The following SHTN1 variants were observed in gnomAD, a reference collection of about 807,000 sequenced individuals.
The protein encoded by SHTN1 is shootin-1.
Under a neutral mutation model 83.1 loss-of-function variants are expected in SHTN1, and 42 were observed. The ratio of observed to expected loss-of-function variants is 0.51; its 90% CI spans 0.39 to 0.65. The LOEUF is 0.65. Ranked by LOEUF, SHTN1 falls within the 30% of genes least tolerant of loss-of-function variation. The probability of loss-of-function intolerance (pLI) is 0.00; values close to 1 mark genes in which losing one functional copy is unlikely to be tolerated. For synonymous variants in SHTN1, 224 were observed against 247.7 expected (o/e 0.90, Z 0.90); for missense variants, 622 against 737.8 (o/e 0.84, Z 1.82).
intron 2 of SHTN1, among the ~76,000 whole-genome samples, chr10:117,022,497 T>A (rs1386464279): frequency 6.6e-6 from 1 of 151,984 alleles, no homozygotes; most frequent in Non-Finnish European, 1.5e-5. Flanking sequence ...ACATCAAAGA[T>A]AACCACGTTT....
intron 11 of SHTN1, among the ~76,000 whole-genome samples, chr10:116,923,595 G>A: frequency 6.7e-6 from 1 of 148,550 alleles, no homozygotes; most frequent in Non-Finnish European, 1.5e-5. Flanking sequence ...TCACTCTGTT[G>A]CCCATGCTGG....
At chr10:117,079,775 C>T (rs1853229678) in intron 1 of SHTN1, among the ~76,000 whole-genome samples, 1 of 141,360 alleles carries the variant, frequency 7.1e-6, no homozygotes, top group African/African-American at 2.6e-5. Context: ...ATTTGCATTT[C>T]TCTGATGGCC....
At chr10:117,066,768 A>G (rs904933547) in intron 1 of SHTN1, among the ~76,000 whole-genome samples, 3 of 152,216 alleles carry the variant, frequency 2.0e-5, no homozygotes, top group African/African-American at 7.2e-5. Context: ...GACTTAGAAG[A>G]CTTCTTTCAT....
chr10:116,901,568 G>A (rs1313275338), intron 16 of SHTN1, 197 bp downstream of exon 16: 1 of 985,142 alleles, frequency 1.0e-6, no homozygotes, highest in African/African-American at 1.7e-5. Flanking sequence ...TTTGTACATG[G>A]TACTTGCTTT....
intron 1 of SHTN1, among the ~76,000 whole-genome samples, chr10:116,996,491 A>G (rs977435045): frequency 5.3e-5 from 8 of 152,190 alleles, no homozygotes; most frequent in Non-Finnish European, 1.0e-4. Flanking sequence ...TAAACTACAA[A>G]CAAGGAAAAT....
At chr10:117,111,041 T>C (rs1232628378) in intron 1 of SHTN1, among the ~76,000 whole-genome samples, 2 of 151,638 alleles carry the variant, frequency 1.3e-5, no homozygotes, top group Non-Finnish European at 2.9e-5. Context: ...CTACTAAAAT[T>C]ACAAAAATTA....
intron 2 of SHTN1, among the ~76,000 whole-genome samples, chr10:117,024,756 GAA>G (rs1179052820): frequency 2.6e-5 from 4 of 152,144 alleles, no homozygotes; most frequent in African/African-American, 9.7e-5. Context: ...AAAATATACT[GAA>G]GTCTTCAACT....
intron 1 of SHTN1, among the ~76,000 whole-genome samples, chr10:116,987,744 G>A (rs1335989354): frequency 2.6e-5 from 4 of 151,880 alleles, no homozygotes; most frequent in African/African-American, 9.7e-5. Flanking sequence ...GTGAAACCCC[G>A]TCTCTACTAA....
At chr10:117,051,380 A>G (rs1852738463) in intron 1 of SHTN1, among the ~76,000 whole-genome samples, 1 of 152,216 alleles carries the variant, frequency 6.6e-6, no homozygotes, top group African/African-American at 2.4e-5. Context: ...CTTCAAAAAA[A>G]TAGAAGAGGA....
intron 1 of SHTN1, among the ~76,000 whole-genome samples, chr10:117,055,143 T>C (rs747919031): frequency 1.3e-5 from 2 of 152,128 alleles, no homozygotes; most frequent in Non-Finnish European, 2.9e-5. Context: ...CCATCGAATC[T>C]CGTGAGAACT....
chr10:116,929,822 A>T, intron 10 of SHTN1, 27 bp downstream of exon 10: 1 of 1,545,156 alleles, frequency 6.5e-7, no homozygotes, highest in Non-Finnish European at 8.8e-7. Context: ...TAATAGTAAG[A>T]CATAGTAGCC....
chr10:117,065,389 A>G (rs982381995), intron 1 of SHTN1, among the ~76,000 whole-genome samples: 1 of 152,062 alleles, frequency 6.6e-6, no homozygotes, highest in African/African-American at 2.4e-5. Context: ...ACATCTCCCT[A>G]AGAAAAGAAA....
At chr10:117,045,965 T>G (rs1238798372) in intron 2 of SHTN1, among the ~76,000 whole-genome samples, 2 of 151,976 alleles carry the variant, frequency 1.3e-5, no homozygotes, top group Non-Finnish European at 2.9e-5. Context: ...AAATAAAAAA[T>G]ACTGTATCAG....
At position 116,919,950 on chromosome 10, in the gene SHTN1, C is replaced by T. The variant is rs999290417; in HGVS notation, c.1195+1484G>A. Among the ~76,000 whole-genome samples the T allele has an allele frequency of 2.6e-5, 4 of 152,278 alleles. No individual in the cohort carries two copies. In the South Asian group the frequency reaches 6.2e-4, roughly 24 times the overall value. On this transcript the variant is annotated intron_variant, in intron 12 of 16. Transcript: ENST00000355371. Reference sequence around the variant, plus strand: ...AAAAAACTAAGTCCAAACTTCAATTCATTCAATATGCATGAAAGCAGTGGG... The same window carrying T: ...AAAAAACTAAGTCCAAACTTCAATTTATTCAATATGCATGAAAGCAGTGGG...
intron 9 of SHTN1, among the ~76,000 whole-genome samples, chr10:116,939,394 T>C (rs117793642): frequency 1.3e-5 from 2 of 152,328 alleles, no homozygotes; most frequent in East Asian, 1.9e-4. Flanking sequence ...GCACAGTCTC[T>C]CGTGGCTTCC....
chr10:117,117,266 G>A (rs781602079), intron 1 of SHTN1, among the ~76,000 whole-genome samples: 7 of 151,862 alleles, frequency 4.6e-5, no homozygotes, highest in Non-Finnish European at 7.4e-5. Context: ...CACCAACGAC[G>A]AACAATCTGA....
intron 4 of SHTN1, among the ~76,000 whole-genome samples, chr10:116,955,100 C>CAA (rs59777387): frequency 0.011 from 964 of 87,592 alleles, 9 homozygotes; most frequent in African/African-American, 0.025. Context: ...TACTTCACAG[C>CAA]AAAAAAAAAA....
chr10:117,072,541 CTGTGCAG>C (rs1853097734), intron 1 of SHTN1, among the ~76,000 whole-genome samples: 1 of 152,170 alleles, frequency 6.6e-6, no homozygotes, highest in South Asian at 2.1e-4. Flanking sequence ...TCACAGGACT[CTGTGCAG>C]ACAACCCCCA....
At chr10:117,003,706 T>C (rs1456098825) in intron 1 of SHTN1, among the ~76,000 whole-genome samples, 1 of 151,932 alleles carries the variant, frequency 6.6e-6, no homozygotes, top group Non-Finnish European at 1.5e-5. Flanking sequence ...TCCTCCAAGT[T>C]CACAGAGCAG....
Sources: gnomAD v4.1 joint callset for allele counts (sites outside exome capture counted in the v4.1 genomes callset) on GRCh38, gnomAD v4.1.1 for gene constraint, MANE v1.5 for transcripts, NCBI Gene and HGNC (gene_info 2026-07-23, HGNC 2026-07-21) for gene names.